The following MAPT variants were observed in gnomAD, a reference collection of about 807,000 sequenced individuals.
The protein encoded by MAPT is microtubule associated protein tau.
Under a neutral mutation model 67.9 loss-of-function variants are expected in MAPT, and 34 were observed. That is an observed-to-expected ratio of 0.50 (90% CI 0.38 to 0.67). The LOEUF is 0.67. Ranked by LOEUF, MAPT falls within the 30% of genes least tolerant of loss-of-function variation. The pLI, the probability that MAPT is intolerant of heterozygous loss-of-function variation, is 0.00. For synonymous variants in MAPT, 456 were observed against 464.5 expected, an observed-to-expected ratio of 0.98 and a Z score of 0.23; for missense variants, 881 against 1,115.2, an observed-to-expected ratio of 0.79 and a Z score of 2.99.
chr17:45,934,702 G>A (rs1179213701), intron 1 of MAPT, among the ~76,000 whole-genome samples: 1 of 152,228 alleles, frequency 6.6e-6, no homozygotes, highest in Non-Finnish European at 1.5e-5. Flanking sequence ...GTCTGAGATG[G>A]TGGTGCAGCG....
chr17:45,895,582 C>T (rs2063134740), intron 1 of MAPT: 1 of 152,202 alleles, frequency 6.6e-6, no homozygotes, highest in Non-Finnish European at 1.5e-5. Flanking sequence ...AGGTGCATCT[C>T]GGGGCGGATT....
chr17:45,973,614 T>G (rs999883848), intron 3 of MAPT: 2 of 152,256 alleles, frequency 1.3e-5, no homozygotes, highest in African/African-American at 4.8e-5. Context: ...TTGGAAAGCC[T>G]TCAAAGCTGA....
In MAPT at chr17:46,010,500, CCTT is replaced by C; in HGVS notation, c.2091+102_2091+104del. 3 of 885,766 alleles carry C rather than the reference CCTT, an allele frequency of 3.4e-6. No individual in the cohort carries two copies. Among genetic ancestry groups the C allele is most frequent in the Non-Finnish European group, 3.7e-6 (2 of 543,622 alleles). The allele number at this position is 885,766 out of a possible 1,614,324, so 54.9% of individuals were successfully genotyped here. A position where few individuals can be genotyped will look rare whatever the true frequency, so the allele number is the denominator to read the frequency against. On this transcript the variant is annotated intron_variant, in intron 10 of 12. Transcript: ENST00000262410. This position sits in a 1 kb window ranked among gnomAD's most constrained non-coding sequence, Gnocchi z 4.7. ...TTGCGAGACACTGCATAGAATAAAT[CCTT>C]CTTGGGCTCTCAGGATCTGGCTGCG... is the stretch of plus-strand genomic sequence containing the variant.
intron 1 of MAPT, among the ~76,000 whole-genome samples, chr17:45,903,017 C>T (rs1233475843): frequency 6.6e-6 from 1 of 152,170 alleles, no homozygotes. Context: ...TCTGCAGTTT[C>T]ACCACAAAAA....
At chr17:46,001,249 C>T (rs1247580705) in intron 9 of MAPT, among the ~76,000 whole-genome samples, 2 of 151,978 alleles carry the variant, frequency 1.3e-5, no homozygotes, top group South Asian at 4.2e-4. Context: ...GAATCCTGTA[C>T]GTTATATTAA....
chr17:45,986,879 G>A (rs1289689668), intron 5 of MAPT, among the ~76,000 whole-genome samples, 161 bp from the exon 6 acceptor site: 1 of 152,178 alleles, frequency 6.6e-6, no homozygotes, highest in Admixed American at 6.5e-5. Flanking sequence ...AACAATGCGA[G>A]GCCTAGCAGA....
At chr17:45,956,349 TGTCCAGCATGCGG>T (rs1451920190) in intron 1 of MAPT, among the ~76,000 whole-genome samples, 1 of 152,056 alleles carries the variant, frequency 6.6e-6, no homozygotes, top group African/African-American at 2.4e-5. Flanking sequence ...CACAGAGAGC[TGTCCAGCATGCGG>T]GTCCCTGGCT....
intron 6 of MAPT, among the ~76,000 whole-genome samples, chr17:45,988,217 C>T (rs2073758036): frequency 6.6e-6 from 1 of 152,206 alleles, no homozygotes; most frequent in South Asian, 2.1e-4. Context: ...CTTACCAAGC[C>T]TGACCACACA....
At chr17:45,959,096 T>A (rs62063277) in intron 1 of MAPT, among the ~76,000 whole-genome samples, 21,824 of 152,090 alleles carry the variant, frequency 0.14, 2,138 homozygotes, top group Non-Finnish European at 0.22. Flanking sequence ...TTTAAACAAC[T>A]CTAGGATATC....
intron 1 of MAPT, among the ~76,000 whole-genome samples, chr17:45,944,111 C>G (rs1057085368): frequency 2.6e-5 from 4 of 152,220 alleles, no homozygotes; most frequent in African/African-American, 9.6e-5. Context: ...ACTGCTTGTT[C>G]AAGTGCCACC....
chr17:46,003,640 G>T (rs1421034201), intron 9 of MAPT, among the ~76,000 whole-genome samples: 2 of 152,122 alleles, frequency 1.3e-5, no homozygotes, highest in Admixed American at 6.5e-5. Context: ...CATCTATGTA[G>T]AACATTTATG....
intron 11 of MAPT, among the ~76,000 whole-genome samples, chr17:46,018,147 G>GAA (rs34759303): frequency 2.0e-4 from 23 of 117,780 alleles, no homozygotes; most frequent in Non-Finnish European, 2.5e-4. Context: ...TCTGTCTCAA[G>GAA]AAAAAAAAAA....
chr17:45,992,866 G>A (rs62063843), intron 8 of MAPT, among the ~76,000 whole-genome samples: 1,727 of 149,782 alleles, frequency 0.012, 19 homozygotes, highest in Non-Finnish European at 0.018. Context: ...ACTCCAGCCT[G>A]GATGACAAAA....
At chr17:46,008,291 C>T (rs1293006942) in intron 9 of MAPT, among the ~76,000 whole-genome samples, 2 of 152,076 alleles carry the variant, frequency 1.3e-5, no homozygotes, top group African/African-American at 4.8e-5. Flanking sequence ...GGTTTCACCA[C>T]GTTGGCCAGG....
At chr17:45,925,871 G>A (rs2066240275) in intron 1 of MAPT, among the ~76,000 whole-genome samples, 1 of 152,234 alleles carries the variant, frequency 6.6e-6, no homozygotes, top group Non-Finnish European at 1.5e-5. Flanking sequence ...ACATGCATAT[G>A]TTGTTTTTAA....
chr17:45,912,286 C>T (rs567559071), intron 1 of MAPT, among the ~76,000 whole-genome samples: 48 of 152,308 alleles, frequency 3.2e-4, no homozygotes, highest in African/African-American at 1.1e-3. Context: ...ATCTCCAGAA[C>T]CTGTAAATGT....
At position 45,996,676 on chromosome 17, in the gene MAPT, TGGCTGCGCGTGGAGGTGTGGGG is replaced by T; in HGVS notation, c.1998+21_1998+42del. On this transcript the variant is annotated intron_variant, in intron 9 of 12. Coordinates refer to ENST00000262410, the MANE Select transcript of MAPT (RefSeq NM_001377265.1). This position sits in a 1 kb window ranked among gnomAD's most constrained non-coding sequence, Gnocchi z 4.5. ...CGGGAGGCGGGAAGGTGAGAGTGGC[TGGCTGCGCGTGGAGGTGTGGGG>T]GGCTGCGCCTGGAGGGGTAGGGCTG... The T allele has an allele frequency of 6.2e-7, 1 of 1,612,556 alleles. No individual in the cohort carries two copies. Among genetic ancestry groups the T allele is most frequent in the Non-Finnish European group, 8.5e-7 (1 of 1,179,392 alleles).
intron 2 of MAPT, among the ~76,000 whole-genome samples, chr17:45,963,494 G>A (rs1430937485): frequency 6.6e-6 from 1 of 152,180 alleles, no homozygotes; most frequent in Non-Finnish European, 1.5e-5. Flanking sequence ...CTTTCCATGG[G>A]TGTGGCTGGC....
At chr17:45,944,952 C>T (rs1282250428) in intron 1 of MAPT, among the ~76,000 whole-genome samples, 2 of 152,222 alleles carry the variant, frequency 1.3e-5, no homozygotes, top group African/African-American at 2.4e-5. Flanking sequence ...AATCACCTCT[C>T]GCCAGACTCT....
Sources: gnomAD v4.1 joint callset for allele counts (sites outside exome capture counted in the v4.1 genomes callset) on GRCh38, gnomAD v4.1.1 for gene constraint, Gnocchi (gnomAD v3.1) non-coding constraint, MANE v1.5 for transcripts, NCBI Gene and HGNC (gene_info 2026-07-23, HGNC 2026-07-21) for gene names.